GNAQ: variants seen among roughly 807,000 people sequenced by gnomAD.
GNAQ encodes guanine nucleotide-binding protein G(q) subunit alpha.
A neutral mutation model predicts 43.9 loss-of-function variants in GNAQ; 8 were observed. The ratio of observed to expected loss-of-function variants is 0.18; its 90% CI spans 0.11 to 0.33. The LOEUF (loss-of-function observed/expected upper bound fraction) is 0.33, where lower values mean the gene tolerates loss of function less well. Among genes scored for constraint, GNAQ ranks in the 10% least tolerant of loss-of-function variants. The probability of loss-of-function intolerance (pLI) is 1.00; values close to 1 mark genes in which losing one functional copy is unlikely to be tolerated. For missense variants in GNAQ, 158 were observed against 450.8 expected (o/e 0.35, Z 5.88); for synonymous variants, 155 against 170.7 (o/e 0.91, Z 0.71).
At chr9:77,885,413 ATT>A (rs1028112149) in intron 2 of GNAQ, among the ~76,000 whole-genome samples, 4 of 152,130 alleles carry the variant, frequency 2.6e-5, no homozygotes, top group African/African-American at 9.7e-5. Context: ...TTAATGAACT[ATT>A]TTCTTTCTAT....
In GNAQ at chr9:77,719,863, T is replaced by G; in HGVS notation, c.*1460A>C. On this transcript the variant is annotated 3_prime_UTR_variant, in exon 7 of 7. Transcript: ENST00000286548. ...GTTACTTTTGAGTTAAGTCCACAAA[T>G]CTTCCATAAGTTCAACCTAATCAGT... 1 of 232,526 alleles carries G rather than the reference T, an allele frequency of 4.3e-6. No homozygotes were observed. The highest frequency in any genetic ancestry group is 8.5e-6 in the Non-Finnish European group (1 of 117,646). The allele number at this position is 232,526 out of a possible 1,614,324, so 14.4% of individuals were successfully genotyped here. A position where few individuals can be genotyped will look rare whatever the true frequency, so the allele number is the denominator to read the frequency against.
rs536647153 is a variant in GNAQ, at chr9:78,024,152, T to C, written c.136+6948A>G. Among the ~76,000 whole-genome samples, 9 of 152,318 alleles carry C rather than the reference T, an allele frequency of 5.9e-5. No homozygotes were observed. In the South Asian group the frequency reaches 6.2e-4, roughly 11 times the overall value. On this transcript the variant is annotated intron_variant, in intron 1 of 6. Coordinates refer to ENST00000286548, the MANE Select transcript of GNAQ (RefSeq NM_002072.5). ...CTTTCCATTGGAACAGCTGGATCAA[T>C]TGCTATTGGCTTTTAACTGGAAACA...
Position 77,950,510 on chromosome 9 carries a change from A to G in GNAQ, c.137-28165T>C, listed in dbSNP as rs188761916. Among the ~76,000 whole-genome samples the G allele has an allele frequency of 3.1e-3, 479 of 152,340 alleles. 4 individuals are homozygous for G. The highest frequency in any genetic ancestry group is 3.5e-3 in the Non-Finnish European group (236 of 68,028). On this transcript the variant is annotated intron_variant, in intron 1 of 6. Coordinates refer to ENST00000286548, the MANE Select transcript of GNAQ (RefSeq NM_002072.5). ...TTCTGCAACCTATTGCCCATCTACT[A>G]AAGTTCCAATATCTGCTTTCTCATG... is the stretch of plus-strand genomic sequence containing the variant.
At position 77,716,316 on chromosome 9, in the gene GNAQ, G is replaced by A. The variant is rs1015358716; in HGVS notation, c.*5007C>T. The A allele has an allele frequency of 6.0e-5, 14 of 231,796 alleles. No individual in the cohort carries two copies. The highest frequency in any genetic ancestry group is 2.9e-4 in the African/African-American group (13 of 45,228). 14.4% of individuals were successfully genotyped at this position (231,796 alleles called of 1,614,324 possible). A position where few individuals can be genotyped will look rare whatever the true frequency, so the allele number is the denominator to read the frequency against. The stretch of plus-strand genomic sequence containing the variant: ...GTATTTTTAACCAGCAAGATCATTG[G>A]GGCATTATTATACAACATTAGGTGT... On this transcript the variant is annotated 3_prime_UTR_variant, in exon 7 of 7. Coordinates refer to ENST00000286548, the MANE Select transcript of GNAQ (RefSeq NM_002072.5).
In GNAQ at chr9:77,720,037, A is replaced by G. The variant is rs1375282291; in HGVS notation, c.*1286T>C. On this transcript the variant is annotated 3_prime_UTR_variant, in exon 7 of 7. Transcript: ENST00000286548. Reference sequence around the variant, plus strand: ...ACTGAGAGTAAAACTGGTTTCAAATAAAGAGACATAAACAGATTTCCTGTT... The same window carrying G: ...ACTGAGAGTAAAACTGGTTTCAAATGAAGAGACATAAACAGATTTCCTGTT... The G allele has an allele frequency of 4.3e-6, 1 of 232,682 alleles. No individual in the cohort carries two copies. The highest frequency in any genetic ancestry group is 2.2e-5 in the African/African-American group (1 of 45,328). 14.4% of individuals were successfully genotyped at this position (232,682 alleles called of 1,614,324 possible).
intron 1 of GNAQ, among the ~76,000 whole-genome samples, chr9:77,979,161 GC>G (rs1476965575): frequency 2.0e-5 from 3 of 152,128 alleles, no homozygotes; most frequent in African/African-American, 7.2e-5. Flanking sequence ...TTCAAGACCA[GC>G]CTGGCCATCA....
Position 77,973,248 on chromosome 9 carries a change from A to G in GNAQ, c.137-50903T>C, listed in dbSNP as rs929933708. 3.9e-5 allele frequency among the ~76,000 whole-genome samples: 6 copies of G among 152,306 alleles called. No individual in the cohort carries two copies. The South Asian group carries it at 1.0e-3, about 26-fold the overall frequency. ...AAACAGAACTCACGACATCAGCCCC[A>G]CATCTTCAGACACAAGTAGGCTGAG... On this transcript the variant is annotated intron_variant, in intron 1 of 6. Transcript: ENST00000286548.
chr9:77,725,653 A>G (rs918640678), intron 6 of GNAQ, among the ~76,000 whole-genome samples: 1 of 151,552 alleles, frequency 6.6e-6, no homozygotes, highest in African/African-American at 2.4e-5. Flanking sequence ...TGGAAGGAAA[A>G]TGCTTGTAGT....
chr9:77,916,365 A>G (rs1319942314), intron 2 of GNAQ, among the ~76,000 whole-genome samples: 1 of 152,210 alleles, frequency 6.6e-6, no homozygotes, highest in African/African-American at 2.4e-5. Context: ...GTAAACTAAG[A>G]AAATTCACTC....
chr9:77,915,959 A>G lies in GNAQ; in HGVS notation c.321+6202T>C, dbSNP rs189529059. ...ATTTCCCTCAGGGGCTGTCAATCAT[A>G]TTGTTGAGCCTTCCCCTGTCTAAAG... On this transcript the variant is annotated intron_variant, in intron 2 of 6. Coordinates refer to ENST00000286548, the MANE Select transcript of GNAQ (RefSeq NM_002072.5). Among the ~76,000 whole-genome samples, 27 of 152,242 alleles carry G rather than the reference A, an allele frequency of 1.8e-4. No individual in the cohort carries two copies. The East Asian group carries it at 3.7e-3, about 21-fold the overall frequency.
chr9:77,947,711 A>T (rs1050699072), intron 1 of GNAQ, among the ~76,000 whole-genome samples: 2 of 152,182 alleles, frequency 1.3e-5, no homozygotes, highest in African/African-American at 4.8e-5. Flanking sequence ...TGTGCATTCG[A>T]ATGTCCTGGG....
chr9:77,775,225 A>G (rs1826288781), intron 5 of GNAQ, among the ~76,000 whole-genome samples: 2 of 152,138 alleles, frequency 1.3e-5, no homozygotes, highest in Admixed American at 6.5e-5. Flanking sequence ...ACTTTGAGCA[A>G]TGTTGTCTTT....
chr9:77,734,181 G>C (rs1287144483), intron 5 of GNAQ, among the ~76,000 whole-genome samples: 1 of 152,182 alleles, frequency 6.6e-6, no homozygotes, highest in Non-Finnish European at 1.5e-5. Flanking sequence ...CATTAAACTA[G>C]AGATTTGAGT....
chr9:77,791,244 C>G (rs889007215), intron 5 of GNAQ, among the ~76,000 whole-genome samples: 26 of 152,244 alleles, frequency 1.7e-4, no homozygotes, highest in Admixed American at 1.5e-3. Flanking sequence ...TCTGAGAAAA[C>G]ATCTTTGTAG....
chr9:78,017,636 T>A (rs1278793488), intron 1 of GNAQ, among the ~76,000 whole-genome samples: 1 of 152,194 alleles, frequency 6.6e-6, no homozygotes, highest in Non-Finnish European at 1.5e-5. Flanking sequence ...CAGATCATGA[T>A]TTTTATTTTA....
At chr9:77,793,019 T>C (rs191794212) in intron 5 of GNAQ, among the ~76,000 whole-genome samples, 26 of 151,558 alleles carry the variant, frequency 1.7e-4, no homozygotes, top group Non-Finnish European at 5.9e-5. Context: ...CCTCAAAATA[T>C]TTTTTTGTCT....
At chr9:77,886,887 G>A (rs1390469488) in intron 2 of GNAQ, among the ~76,000 whole-genome samples, 4 of 151,462 alleles carry the variant, frequency 2.6e-5, no homozygotes, top group Non-Finnish European at 5.9e-5. Context: ...GAGGCAGGGG[G>A]ATCATGAGGT....
At position 77,997,890 on chromosome 9, in the gene GNAQ, T is replaced by G. The variant is rs556238044; in HGVS notation, c.136+33210A>C. 1.3e-3 allele frequency among the ~76,000 whole-genome samples: 194 copies of G among 152,298 alleles called. 2 individuals carry two copies. Among genetic ancestry groups the G allele is most frequent in the African/African-American group, 4.5e-3 (185 of 41,562 alleles). On this transcript the variant is annotated intron_variant, in intron 1 of 6. Coordinates refer to ENST00000286548, the MANE Select transcript of GNAQ (RefSeq NM_002072.5). ...TCATTACACTACTAATAAATATGGT[T>G]AGTGACTTCATCAGAAAGAGGATGA... is the stretch of plus-strand genomic sequence containing the variant.
chr9:77,755,910 G>C (rs1351583421), intron 5 of GNAQ, among the ~76,000 whole-genome samples: 2 of 152,168 alleles, frequency 1.3e-5, no homozygotes, highest in Admixed American at 1.3e-4. Context: ...GTGTGTCTGT[G>C]ATGGTGTTGC....
Sources: allele counts gnomAD v4.1 joint callset (sites outside exome capture counted in the v4.1 genomes callset), GRCh38; gene constraint gnomAD v4.1.1; transcripts MANE v1.5; gene names NCBI Gene and HGNC (gene_info 2026-07-23, HGNC 2026-07-21).